The following COL21A1 variants were observed in gnomAD, a reference collection of about 807,000 sequenced individuals.
COL21A1 encodes collagen alpha-1(XXI) chain.
Under a neutral mutation model 137.9 loss-of-function variants are expected in COL21A1, and 149 were observed. The ratio of observed to expected loss-of-function variants is 1.08; its 90% confidence interval spans 0.95 to 1.24. The LOEUF (loss-of-function observed/expected upper bound fraction) is 1.24, where lower values mean the gene tolerates loss of function less well. COL21A1 is among the 50% of genes most tolerant of loss of function. The pLI is 0.00. For missense variants in COL21A1, 1,167 were observed against 1,158.4 expected, an observed-to-expected ratio of 1.01 and a Z score of -0.11; for synonymous variants, 456 against 391.5, an observed-to-expected ratio of 1.16 and a Z score of -1.95.
chr6:56,368,343 C>T (rs1325167601), intron 1 of COL21A1, among the ~76,000 whole-genome samples: 1 of 152,162 alleles, frequency 6.6e-6, no homozygotes, highest in African/African-American at 2.4e-5. Flanking sequence ...TGCACCTATA[C>T]ACATCAAAAG....
At chr6:56,163,976 T>C (rs6917593) in intron 9 of COL21A1, among the ~76,000 whole-genome samples, 98,435 of 152,010 alleles carry the variant, frequency 0.65, 32,241 homozygotes, top group East Asian at 0.86. Flanking sequence ...TTGAACTAGA[T>C]ATCAAACTCA....
At chr6:56,078,080 A>G in intron 17 of COL21A1, 1 of 455,764 alleles carries the variant, frequency 2.2e-6, no homozygotes, top group South Asian at 1.6e-5. Context: ...TTTTCTCTTA[A>G]TAACTCCCTT....
At chr6:56,310,581 A>C (rs1764587856) in intron 1 of COL21A1, among the ~76,000 whole-genome samples, 1 of 152,184 alleles carries the variant, frequency 6.6e-6, no homozygotes, top group Admixed American at 6.5e-5. Context: ...TAGGACTATT[A>C]CTGACTCATA....
At chr6:56,337,387 T>C (rs915385238) in intron 1 of COL21A1, among the ~76,000 whole-genome samples, 4 of 152,230 alleles carry the variant, frequency 2.6e-5, no homozygotes, top group African/African-American at 7.2e-5. Context: ...ATAAATTATT[T>C]CTTCAAGGGG....
At chr6:56,135,173 T>A (rs1773894628) in intron 12 of COL21A1, among the ~76,000 whole-genome samples, 1 of 152,014 alleles carries the variant, frequency 6.6e-6, no homozygotes, top group Admixed American at 6.6e-5. Context: ...TCTCTATGGC[T>A]AAAATTCCAA....
At chr6:56,167,869 C>T (rs192154666) in intron 6 of COL21A1, among the ~76,000 whole-genome samples, 303 of 152,094 alleles carry the variant, frequency 2.0e-3, no homozygotes, top group African/African-American at 7.0e-3. Flanking sequence ...TTAATGTTTC[C>T]TAGAAATGTA....
At chr6:56,125,337 T>A in intron 14 of COL21A1, 1 of 329,494 alleles carries the variant, frequency 3.0e-6, no homozygotes. Flanking sequence ...TTTTAAAAGC[T>A]CAGAATGATC....
At chr6:56,335,074 G>A (rs6927523) in intron 1 of COL21A1, among the ~76,000 whole-genome samples, 1 of 151,814 alleles carries the variant, frequency 6.6e-6, no homozygotes, top group Non-Finnish European at 1.5e-5. Flanking sequence ...GAATGGATTG[G>A]TTTTTTTTGG....
intron 1 of COL21A1, among the ~76,000 whole-genome samples, chr6:56,376,540 G>A (rs867202141): frequency 5.3e-5 from 8 of 151,984 alleles, no homozygotes; most frequent in Non-Finnish European, 1.0e-4. Context: ...AGAACAAAGA[G>A]AGGCAGGCTC....
intron 1 of COL21A1, among the ~76,000 whole-genome samples, chr6:56,317,845 G>A (rs1362338452): frequency 6.6e-6 from 1 of 151,898 alleles, no homozygotes; most frequent in Non-Finnish European, 1.5e-5. Context: ...TGATCTCTTG[G>A]AGTATTTTTA....
chr6:56,094,105 T>C (rs1235851443), intron 17 of COL21A1, among the ~76,000 whole-genome samples: 1 of 152,122 alleles, frequency 6.6e-6, no homozygotes, highest in East Asian at 1.9e-4. Context: ...AACAGTTCTT[T>C]CCTCAAATAT....
chr6:56,156,337 T>G (rs9296830), intron 10 of COL21A1, among the ~76,000 whole-genome samples: 1 of 152,054 alleles, frequency 6.6e-6, no homozygotes, highest in Non-Finnish European at 1.5e-5. Flanking sequence ...TCTTCCTGAC[T>G]GTGGATCCCT....
chr6:56,160,128 TA>T (rs1485115338), intron 9 of COL21A1, among the ~76,000 whole-genome samples: 2 of 152,230 alleles, frequency 1.3e-5, no homozygotes, highest in African/African-American at 4.8e-5. Context: ...ATTGTTCCTA[TA>T]AAACTGGAAG....
Position 56,190,862 on chromosome 6 carries a change from A to T in COL21A1, c.-38-8206T>A, listed in dbSNP as rs776644647. Among the ~76,000 whole-genome samples, 129 of 152,216 alleles carry T rather than the reference A, an allele frequency of 8.5e-4. 1 individual carries two copies. The highest frequency in any genetic ancestry group is 1.3e-3 in the Non-Finnish European group (87 of 68,034). On this transcript the variant is annotated intron_variant, in intron 1 of 29. Coordinates refer to ENST00000244728, the MANE Select transcript of COL21A1 (RefSeq NM_030820.4). Reference sequence around the variant, plus strand: ...ACCACATGATTATCTCAATAGGTGCAGAAAAGGCCTTCAACAAAATTCAAC... The same window carrying T: ...ACCACATGATTATCTCAATAGGTGCTGAAAAGGCCTTCAACAAAATTCAAC...
intron 16 of COL21A1, among the ~76,000 whole-genome samples, chr6:56,106,347 T>C (rs1770889671): frequency 6.6e-6 from 1 of 152,188 alleles, no homozygotes; most frequent in African/African-American, 2.4e-5. Flanking sequence ...CTGTTCTATA[T>C]CCCATTCTTT....
intron 16 of COL21A1, among the ~76,000 whole-genome samples, chr6:56,108,705 T>C (rs1441163662): frequency 6.6e-6 from 1 of 151,898 alleles, no homozygotes; most frequent in Non-Finnish European, 1.5e-5. Context: ...AGAATTAAGT[T>C]ATAGAAGATC....
At chr6:56,142,207 A>G (rs904027140) in intron 10 of COL21A1, among the ~76,000 whole-genome samples, 1 of 152,094 alleles carries the variant, frequency 6.6e-6, no homozygotes, top group African/African-American at 2.4e-5. Context: ...TTTGTAAATT[A>G]ATAAAAATAT....
rs935383272 is a variant in COL21A1, at chr6:56,188,260, T to A, written c.-38-5604A>T. 3.9e-5 allele frequency among the ~76,000 whole-genome samples: 6 copies of A among 152,224 alleles called. 1 individual carries two copies. The highest frequency in any genetic ancestry group is 8.8e-5 in the Non-Finnish European group (6 of 68,040). On this transcript the variant is annotated intron_variant, in intron 1 of 29. Coordinates refer to ENST00000244728, the MANE Select transcript of COL21A1 (RefSeq NM_030820.4). ...TCTTATAAGGTTAAACTATGGCCAA[T>A]GATTTTTCTGCTAGATATGTAACCT...
Position 56,057,552 on chromosome 6 carries a change from G to A in COL21A1, c.*105C>T. Reference sequence around the variant, plus strand: ...AAGAAAAAAAAAATAAAAACACCGAGGTACTTAAGTTTCTTTTCAAGGGAT... The same window carrying A: ...AAGAAAAAAAAAATAAAAACACCGAAGTACTTAAGTTTCTTTTCAAGGGAT... On this transcript the variant is annotated 3_prime_UTR_variant, in exon 30 of 30. Coordinates refer to ENST00000244728, the MANE Select transcript of COL21A1 (RefSeq NM_030820.4). The A allele has an allele frequency of 2.0e-6, 2 of 1,008,388 alleles. No individual in the cohort carries two copies. The highest frequency in any genetic ancestry group is 1.7e-5 in the African/African-American group (1 of 60,190). 62.5% of individuals were successfully genotyped at this position (1,008,388 alleles called of 1,614,324 possible).
Sources: gnomAD v4.1 joint callset for allele counts (sites outside exome capture counted in the v4.1 genomes callset) on GRCh38, gnomAD v4.1.1 for gene constraint, MANE v1.5 for transcripts, NCBI Gene and HGNC (gene_info 2026-07-23, HGNC 2026-07-21) for gene names.